Variants in PIP4K2A observed in about 807,000 individuals in gnomAD.
PIP4K2A encodes phosphatidylinositol 5-phosphate 4-kinase type-2 alpha.
PIP4K2A carries 14 observed loss-of-function variants against 42.9 expected under a neutral mutation model. That is an observed-to-expected ratio of 0.33 (90% confidence interval 0.22 to 0.51). PIP4K2A has a LOEUF of 0.51. Among genes scored for constraint, PIP4K2A ranks in the 20% least tolerant of loss-of-function variants. PIP4K2A has a pLI of 0.97. For synonymous variants in PIP4K2A, 192 were observed against 192.2 expected (o/e 1.00, Z 0.01); for missense variants, 434 against 519.8 (o/e 0.83, Z 1.61).
chr10:22,605,843 TAAA>T (rs5783801), intron 3 of PIP4K2A, among the ~76,000 whole-genome samples: 9 of 146,088 alleles, frequency 6.2e-5, no homozygotes, highest in Non-Finnish European at 6.0e-5. Context: ...TTAATTCCTT[TAAA>T]AAAAAAAAAA....
At chr10:22,609,847 T>G in intron 1 of PIP4K2A, 130 bp from the exon 2 acceptor site, 1 of 586,858 alleles carries the variant, frequency 1.7e-6, no homozygotes, top group Middle Eastern at 4.4e-4. Context: ...CAACCCACCC[T>G]CCTTCCCTCT....
intron 1 of PIP4K2A, among the ~76,000 whole-genome samples, chr10:22,618,980 T>C (rs985550171): frequency 6.6e-6 from 1 of 152,236 alleles, no homozygotes; most frequent in African/African-American, 2.4e-5. Flanking sequence ...TACTTTTTTC[T>C]ACTAAGTGTC....
chr10:22,643,938 A>G (rs910270904), intron 1 of PIP4K2A, among the ~76,000 whole-genome samples: 1 of 152,130 alleles, frequency 6.6e-6, no homozygotes, highest in African/African-American at 2.4e-5. Context: ...ATCATCCTCC[A>G]GAACCCAGCC....
intron 1 of PIP4K2A, among the ~76,000 whole-genome samples, chr10:22,620,479 A>C (rs1434090019): frequency 1.3e-5 from 2 of 152,242 alleles, no homozygotes; most frequent in African/African-American, 4.8e-5. Flanking sequence ...AAAGTGCCCC[A>C]GCACTCTTGA....
At chr10:22,664,090 C>T (rs1464552311) in intron 1 of PIP4K2A, among the ~76,000 whole-genome samples, 61 of 63,926 alleles carry the variant, frequency 9.5e-4, no homozygotes, top group African/African-American at 7.4e-3. Flanking sequence ...TATATATATA[C>T]ATATATATAT....
At chr10:22,645,104 A>G (rs1323724018) in intron 1 of PIP4K2A, among the ~76,000 whole-genome samples, 1 of 152,240 alleles carries the variant, frequency 6.6e-6, no homozygotes, top group Non-Finnish European at 1.5e-5. Flanking sequence ...CTTTTAAAAT[A>G]CCAAAATTTT....
intron 3 of PIP4K2A, among the ~76,000 whole-genome samples, chr10:22,601,161 A>C (rs111519471): frequency 0.12 from 10,799 of 92,434 alleles, 1,533 homozygotes; most frequent in African/African-American, 0.33. Flanking sequence ...AAAAAAAAAA[A>C]AACAAACCAG....
intron 4 of PIP4K2A, among the ~76,000 whole-genome samples, chr10:22,575,617 A>G (rs1837094524): frequency 1.3e-5 from 2 of 152,126 alleles, no homozygotes; most frequent in South Asian, 4.1e-4. Flanking sequence ...ACATTAGCTA[A>G]ATTATTACAC....
At chr10:22,592,738 C>T (rs1042122330) in intron 3 of PIP4K2A, among the ~76,000 whole-genome samples, 1 of 152,206 alleles carries the variant, frequency 6.6e-6, no homozygotes, top group Non-Finnish European at 1.5e-5. Context: ...TGACAATGGC[C>T]GTCCAGCCAT....
intron 1 of PIP4K2A, among the ~76,000 whole-genome samples, chr10:22,644,145 T>C (rs1288760408): frequency 6.6e-6 from 1 of 152,112 alleles, no homozygotes; most frequent in Non-Finnish European, 1.5e-5. Flanking sequence ...CCCCTCCCTC[T>C]CTCAGCCAGT....
chr10:22,541,764 C>T (rs745855274), intron 8 of PIP4K2A, 40 bp downstream of exon 8: 2 of 1,500,682 alleles, frequency 1.3e-6, no homozygotes, highest in African/African-American at 1.4e-5. Context: ...AAAGTCAAAC[C>T]ACTTCACATG....
chr10:22,567,412 G>A (rs1310281789), intron 6 of PIP4K2A: 1 of 348,602 alleles, frequency 2.9e-6, no homozygotes, highest in Non-Finnish European at 5.6e-6. Flanking sequence ...GCTCATCCAA[G>A]CCAACATACT....
chr10:22,630,087 A>G (rs1838518373), intron 1 of PIP4K2A, among the ~76,000 whole-genome samples: 1 of 151,942 alleles, frequency 6.6e-6, no homozygotes, highest in Non-Finnish European at 1.5e-5. Flanking sequence ...TTGTAATCCC[A>G]GCATGTTGGG....
intron 1 of PIP4K2A, among the ~76,000 whole-genome samples, chr10:22,676,607 A>T (rs1162474325): frequency 1.3e-5 from 2 of 152,280 alleles, no homozygotes; most frequent in African/African-American, 4.8e-5. Flanking sequence ...CAGAGGGAAT[A>T]TCTGGCTCAG....
At chr10:22,634,940 T>C (rs1838630157) in intron 1 of PIP4K2A, among the ~76,000 whole-genome samples, 1 of 152,162 alleles carries the variant, frequency 6.6e-6, no homozygotes, top group African/African-American at 2.4e-5. Context: ...TAGGAGATAA[T>C]GACTGCACTT....
chr10:22,689,281 A>G (rs1193251105), intron 1 of PIP4K2A, among the ~76,000 whole-genome samples: 2 of 152,042 alleles, frequency 1.3e-5, no homozygotes, highest in Non-Finnish European at 2.9e-5. Flanking sequence ...AGGCCTGTAC[A>G]TTGAAAAATA....
At position 22,537,036 on chromosome 10, in the gene PIP4K2A, G is replaced by A. The variant is rs945471964; in HGVS notation, c.*165C>T. 1.5e-5 allele frequency: 9 copies of A among 605,570 alleles called. No individual in the cohort carries two copies. The African/African-American group carries it at 1.7e-4, about 11-fold the overall frequency. 37.5% of individuals were successfully genotyped at this position (605,570 alleles called of 1,614,324 possible). A position where few individuals can be genotyped will look rare whatever the true frequency, so the allele number is the denominator to read the frequency against. Reference sequence around the variant, plus strand: ...ACGATGCTGGGAAAATCAGGTAGCTGTAAAGCGAGTAGCCCCCAAATCAGT... The same window carrying A: ...ACGATGCTGGGAAAATCAGGTAGCTATAAAGCGAGTAGCCCCCAAATCAGT... On this transcript the variant is annotated 3_prime_UTR_variant, in exon 10 of 10. Transcript: ENST00000376573.
chr10:22,563,574 A>C (rs558810482), intron 6 of PIP4K2A, among the ~76,000 whole-genome samples: 2 of 152,358 alleles, frequency 1.3e-5, no homozygotes, highest in East Asian at 1.9e-4. Flanking sequence ...CCTCATTTTC[A>C]CAATGGGATT....
At chr10:22,667,067 T>C (rs1417920906) in intron 1 of PIP4K2A, among the ~76,000 whole-genome samples, 1 of 152,194 alleles carries the variant, frequency 6.6e-6, no homozygotes, top group African/African-American at 2.4e-5. Flanking sequence ...AGACTATAAC[T>C]TTGTAAAAAT....
Sources: gnomAD v4.1 joint callset for allele counts (sites outside exome capture counted in the v4.1 genomes callset) on GRCh38, gnomAD v4.1.1 for gene constraint, MANE v1.5 for transcripts, NCBI Gene and HGNC (gene_info 2026-07-23, HGNC 2026-07-21) for gene names.